The following DNAH8 variants were observed in gnomAD, a reference collection of about 807,000 sequenced individuals.
DNAH8 encodes the protein dynein axonemal heavy chain 8.
DNAH8 carries 382 observed loss-of-function variants against 562.1 expected under a neutral mutation model. The observed-to-expected ratio is 0.68, with a 90% CI of 0.63 to 0.74. DNAH8 has a LOEUF of 0.74. DNAH8 is among the 30% of genes least tolerant of loss of function. The pLI, the probability that DNAH8 is intolerant of heterozygous loss-of-function variation, is 0.00. For synonymous variants in DNAH8, 1,881 were observed against 1,919.4 expected, an observed-to-expected ratio of 0.98 and a Z score of 0.52; for missense variants, 5,203 against 5,620.4, an observed-to-expected ratio of 0.93 and a Z score of 2.37.
intron 23 of DNAH8, 72 bp downstream of exon 23, chr6:38,805,668 G>T: frequency 2.4e-6 from 2 of 826,970 alleles, no homozygotes; most frequent in Non-Finnish European, 3.8e-6. Flanking sequence ...ACCCCATATG[G>T]TGCTTTTTCC....
chr6:38,817,818 A>T (rs992025042), intron 26 of DNAH8, among the ~76,000 whole-genome samples: 2 of 152,196 alleles, frequency 1.3e-5, no homozygotes, highest in Non-Finnish European at 2.9e-5. Flanking sequence ...AATTTACATA[A>T]AATACCTGGG....
rs187538520 is a variant in DNAH8, at chr6:38,772,279, C to T, written c.1764+1720C>T. On this transcript the variant is annotated intron_variant, in intron 12 of 92. Transcript: ENST00000327475. The stretch of plus-strand genomic sequence containing the variant: ...CTCTGACCTTGTGATCCACCCACCT[C>T]GACCTCCCAAAGTGCTGGGATTACA... Among the ~76,000 whole-genome samples the T allele has an allele frequency of 1.5e-3, 226 of 152,212 alleles. 2 individuals are homozygous for T. The highest frequency in any genetic ancestry group is 5.2e-3 in the African/African-American group (215 of 41,538).
intron 33 of DNAH8, among the ~76,000 whole-genome samples, chr6:38,839,635 GGTGTGAGCACCC>G (rs1272736205): frequency 2.0e-5 from 3 of 151,734 alleles, no homozygotes; most frequent in Non-Finnish European, 4.4e-5. Context: ...TGAGATTTCA[GGTGTGAGCACCC>G]GCACCCAACC....
chr6:38,782,927 ATATAAGTAC>A, intron 16 of DNAH8, 68 bp from the exon 17 acceptor site: 2 of 1,302,640 alleles, frequency 1.5e-6, no homozygotes, highest in Non-Finnish European at 2.1e-6. Flanking sequence ...ATCATTTTAC[ATATAAGTAC>A]TTTCATTATT....
At chr6:38,904,664 C>T (rs1251980839) in intron 62 of DNAH8, among the ~76,000 whole-genome samples, 4 of 151,676 alleles carry the variant, frequency 2.6e-5, no homozygotes, top group Admixed American at 6.6e-5. Context: ...TAGTGACAGG[C>T]GCCTGTAATC....
In DNAH8 at chr6:38,826,294, C is replaced by G; in HGVS notation, c.3986C>G (p.Pro1329Arg). ...GAATACTTGAAAAAGTTATCTAGAC[C>G]TATTCGTGATTTAGATGATGTCAGA... is the stretch of plus-strand genomic sequence containing the variant. ...INEYLKKLSRPIRDLDDVRFA... is the reference protein window; with the variant it reads ...INEYLKKLSRRIRDLDDVRFA... The change falls in exon 29 of 93, where the codon CCT (proline) becomes CGT (arginine). Residue 1329 changes from proline (P) to arginine (R), a missense_variant. Around this residue, in one of 6 missense-constraint regions of DNAH8, gnomAD observed 2,176 missense variants for 2,365.1 expected, o/e 0.92. Coordinates refer to ENST00000327475, the MANE Select transcript of DNAH8 (RefSeq NM_001206927.2). The G allele has an allele frequency of 6.2e-7, 1 of 1,613,178 alleles. No individual in the cohort carries two copies. Among genetic ancestry groups the G allele is most frequent in the South Asian group, 1.1e-5 (1 of 90,924 alleles).
chr6:38,851,814 T>C (rs1775771199), intron 39 of DNAH8, 140 bp downstream of exon 39: 2 of 666,366 alleles, frequency 3.0e-6, no homozygotes, highest in Non-Finnish European at 5.2e-6. Flanking sequence ...TTTCATATTT[T>C]CTGTGTATTT....
intron 1 of DNAH8, among the ~76,000 whole-genome samples, chr6:38,721,783 C>T (rs1014629538): frequency 6.6e-6 from 1 of 152,146 alleles, no homozygotes; most frequent in Non-Finnish European, 1.5e-5. Context: ...CAGGCTGGCT[C>T]TGTGTAGTAT....
intron 26 of DNAH8, among the ~76,000 whole-genome samples, chr6:38,816,010 G>C (rs574505626): frequency 1.7e-3 from 251 of 151,832 alleles, no homozygotes; most frequent in Middle Eastern, 6.8e-3. Context: ...ACATTTTTTT[G>C]ACACTTCCTG....
chr6:38,751,868 G>A (rs2127596305), intron 9 of DNAH8, among the ~76,000 whole-genome samples: 1 of 152,206 alleles, frequency 6.6e-6, no homozygotes, highest in South Asian at 2.1e-4. Flanking sequence ...ATCATTTGTA[G>A]GCAGGAGGGC....
chr6:38,911,006 G>A (rs1780850417), intron 65 of DNAH8, among the ~76,000 whole-genome samples: 1 of 152,160 alleles, frequency 6.6e-6, no homozygotes, highest in Non-Finnish European at 1.5e-5. Context: ...TTTTGCTTCT[G>A]TAAACCCACC....
chr6:38,832,258 A>C (rs1430499836), intron 30 of DNAH8, 64 bp from the exon 31 acceptor site: 1 of 963,276 alleles, frequency 1.0e-6, no homozygotes, highest in African/African-American at 1.6e-5. Flanking sequence ...TTGGAATAGA[A>C]TTGTAATTTT....
chr6:39,025,406 C>G (rs1425862109), intron 91 of DNAH8, among the ~76,000 whole-genome samples: 1 of 152,188 alleles, frequency 6.6e-6, no homozygotes, highest in Non-Finnish European at 1.5e-5. Context: ...TTGTGGTCAT[C>G]CCACATAGTG....
chr6:38,988,170 C>T (rs1490955863), intron 87 of DNAH8, among the ~76,000 whole-genome samples: 6 of 152,214 alleles, frequency 3.9e-5, no homozygotes, highest in Admixed American at 3.9e-4. Flanking sequence ...CTGTTCTCAG[C>T]ATCTTACAGA....
rs746686780 is a variant in DNAH8 at position 38,834,562 on chromosome 6, T to G, written c.4303-17T>G. On this transcript the variant is annotated splice_polypyrimidine_tract_variant and intron_variant, in intron 31 of 92. Coordinates refer to ENST00000327475, the MANE Select transcript of DNAH8 (RefSeq NM_001206927.2). ...TATGATTAAGAATGAAAATGGAGAT[T>G]ATATTCTTCCTTACAGGAAGGACCT... 3.9e-6 allele frequency: 6 copies of G among 1,532,220 alleles called. No individual in the cohort carries two copies. The East Asian group carries it at 1.4e-4, about 35-fold the overall frequency. The allele number at this position is 1,532,220 out of a possible 1,614,324, so 94.9% of individuals were successfully genotyped here.
intron 29 of DNAH8, among the ~76,000 whole-genome samples, chr6:38,827,154 CT>C (rs1773403679): frequency 1.3e-5 from 2 of 151,882 alleles, no homozygotes. Flanking sequence ...GTCATTGTGT[CT>C]TCTCTCACAC....
intron 88 of DNAH8, among the ~76,000 whole-genome samples, chr6:38,997,925 T>C (rs1765248599): frequency 6.6e-6 from 1 of 152,098 alleles, no homozygotes; most frequent in East Asian, 1.9e-4. Context: ...GCCCGGCTAA[T>C]ATTTGTATTT....
intron 45 of DNAH8, among the ~76,000 whole-genome samples, chr6:38,865,002 C>A (rs862423): frequency 2.0e-5 from 3 of 152,176 alleles, no homozygotes; most frequent in Admixed American, 2.0e-4. Flanking sequence ...AGGTCCTATA[C>A]GAAAGAATTG....
rs533417103 is a variant in DNAH8, at chr6:38,774,060, G to T, written c.1765-1694G>T. ...CCTGAAACACATCTTTTTATGGCAG[G>T]TATAGACTTGATGGTGCACTGAATC... On this transcript the variant is annotated intron_variant, in intron 12 of 92. Transcript: ENST00000327475. 3.9e-5 allele frequency among the ~76,000 whole-genome samples: 6 copies of T among 152,270 alleles called. No homozygotes were observed. In the South Asian group the frequency reaches 8.3e-4, roughly 21 times the overall value.
Sources: gnomAD v4.1 joint callset for allele counts (sites outside exome capture counted in the v4.1 genomes callset) on GRCh38, gnomAD v4.1.1 for gene constraint, gnomAD v4.1.1 regional missense constraint, MANE v1.5 for transcripts, NCBI Gene and HGNC (gene_info 2026-07-23, HGNC 2026-07-21) for gene names.